Variants in LRMDA observed in about 807,000 individuals in gnomAD.
LRMDA encodes leucine-rich melanocyte differentiation-associated protein.
A neutral mutation model predicts 29.8 loss-of-function variants in LRMDA; 18 were observed. The observed-to-expected ratio is 0.60, with a 90% CI of 0.42 to 0.90. The LOEUF (loss-of-function observed/expected upper bound fraction) is 0.90. Among genes scored for constraint, LRMDA ranks in the 40% least tolerant of loss-of-function variants. The pLI is 0.00. For synonymous variants in LRMDA, 125 were observed against 109.4 expected (o/e 1.14, Z -0.89); for missense variants, 273 against 273.9 (o/e 1.00, Z 0.02).
At chr10:75,690,372 A>G (rs1167129151) in intron 2 of LRMDA, among the ~76,000 whole-genome samples, 1 of 152,154 alleles carries the variant, frequency 6.6e-6, no homozygotes, top group Non-Finnish European at 1.5e-5. Context: ...TGGCGTGATC[A>G]TGGCTTATTG....
chr10:75,999,611 C>T (rs964261435), intron 2 of LRMDA, among the ~76,000 whole-genome samples: 1 of 152,170 alleles, frequency 6.6e-6, no homozygotes, highest in Non-Finnish European at 1.5e-5. Context: ...TAGCTTGATT[C>T]CAGCAAGAAC....
intron 2 of LRMDA, among the ~76,000 whole-genome samples, chr10:75,666,565 G>A (rs886736617): frequency 6.6e-6 from 1 of 152,050 alleles, no homozygotes. Flanking sequence ...CACTAACTAT[G>A]AACTAAATAG....
intron 2 of LRMDA, among the ~76,000 whole-genome samples, chr10:75,914,356 A>T (rs1029780455): frequency 3.3e-5 from 5 of 152,144 alleles, no homozygotes; most frequent in Non-Finnish European, 7.3e-5. Context: ...TGAACCTGTG[A>T]CTTTATTTAT....
chr10:76,343,363 A>G (rs1308071199), intron 6 of LRMDA, among the ~76,000 whole-genome samples: 1 of 152,234 alleles, frequency 6.6e-6, no homozygotes, highest in African/African-American at 2.4e-5. Flanking sequence ...TATAGGTGCA[A>G]AAATGCTAAT....
intron 5 of LRMDA, among the ~76,000 whole-genome samples, chr10:76,086,101 T>A (rs192127866): frequency 6.6e-6 from 1 of 152,200 alleles, no homozygotes; most frequent in African/African-American, 2.4e-5. Flanking sequence ...TGAACACATA[T>A]TCTGATTTTT....
chr10:76,275,491 G>A (rs993238528), intron 5 of LRMDA, among the ~76,000 whole-genome samples: 1 of 151,832 alleles, frequency 6.6e-6, no homozygotes, highest in Admixed American at 6.6e-5. Context: ...TATTTCCTAT[G>A]AGTCTTAAAT....
At chr10:75,538,533 A>G (rs1564795516) in intron 2 of LRMDA, among the ~76,000 whole-genome samples, 1 of 152,164 alleles carries the variant, frequency 6.6e-6, no homozygotes, top group East Asian at 1.9e-4. Flanking sequence ...AAAGGGTGAA[A>G]AATGGCAAAA....
At chr10:76,216,820 C>T (rs58237837) in intron 5 of LRMDA, among the ~76,000 whole-genome samples, 5 of 152,186 alleles carry the variant, frequency 3.3e-5, no homozygotes, top group Middle Eastern at 3.4e-3. Flanking sequence ...TTCGATAGGA[C>T]GCATGTAAAG....
chr10:75,496,639 A>G (rs974544654), intron 2 of LRMDA, among the ~76,000 whole-genome samples: 1 of 152,138 alleles, frequency 6.6e-6, no homozygotes, highest in African/African-American at 2.4e-5. Context: ...AGATGGGTAT[A>G]CCATGAGAAG....
intron 2 of LRMDA, among the ~76,000 whole-genome samples, chr10:75,664,834 A>G (rs762566818): frequency 6.6e-6 from 1 of 152,246 alleles, no homozygotes; most frequent in Non-Finnish European, 1.5e-5. Flanking sequence ...TCAACCATAA[A>G]TGCTTAGAGT....
intron 2 of LRMDA, 149 bp from the exon 3 acceptor site, chr10:76,035,859 T>G: frequency 2.7e-6 from 1 of 377,104 alleles, no homozygotes; most frequent in Non-Finnish European, 4.7e-6. Flanking sequence ...CGACTCCTGC[T>G]ACTAATTCTT....
At chr10:75,711,330 A>C (rs1165934702) in intron 2 of LRMDA, among the ~76,000 whole-genome samples, 1 of 152,142 alleles carries the variant, frequency 6.6e-6, no homozygotes, top group East Asian at 1.9e-4. Context: ...CAGCTTTCTT[A>C]GTTGCAAAAA....
At chr10:75,743,701 T>G (rs986733038) in intron 2 of LRMDA, 2 of 152,184 alleles carry the variant, frequency 1.3e-5, no homozygotes, top group Non-Finnish European at 2.9e-5. Context: ...GGCAAACGTT[T>G]AGAGAAGGAA....
At chr10:76,145,998 G>A (rs1298855671) in intron 5 of LRMDA, among the ~76,000 whole-genome samples, 2 of 151,238 alleles carry the variant, frequency 1.3e-5, no homozygotes. Context: ...TAGTTGAGCG[G>A]TTTTGAGTGA....
chr10:76,129,471 T>C (rs1331972877), intron 5 of LRMDA, among the ~76,000 whole-genome samples: 1 of 152,192 alleles, frequency 6.6e-6, no homozygotes, highest in Admixed American at 6.5e-5. Context: ...AGACCTTTAG[T>C]GTGGACAGAG....
intron 2 of LRMDA, among the ~76,000 whole-genome samples, chr10:75,811,803 C>T (rs1843965953): frequency 6.6e-6 from 1 of 152,150 alleles, no homozygotes; most frequent in African/African-American, 2.4e-5. Context: ...GCTGTGTTGG[C>T]TCATTCAGCA....
At chr10:76,300,511 T>C (rs1589417839) in intron 5 of LRMDA, among the ~76,000 whole-genome samples, 4 of 152,308 alleles carry the variant, frequency 2.6e-5, no homozygotes, top group East Asian at 3.9e-4. Flanking sequence ...ATCTGTCTAA[T>C]AGAGAAGTTA....
intron 5 of LRMDA, among the ~76,000 whole-genome samples, chr10:76,090,940 C>A (rs4746357): frequency 0.41 from 62,922 of 151,988 alleles, 13,529 homozygotes; most frequent in Non-Finnish European, 0.44. Flanking sequence ...AATGTATTTA[C>A]CACTACTGAG....
intron 2 of LRMDA, among the ~76,000 whole-genome samples, chr10:75,727,069 T>C (rs531705464): frequency 6.6e-6 from 1 of 152,354 alleles, no homozygotes; most frequent in South Asian, 2.1e-4. Flanking sequence ...TTGCATTGTG[T>C]GTGGCCTGTT....
Sources: allele counts gnomAD v4.1 joint callset (sites outside exome capture counted in the v4.1 genomes callset), GRCh38; gene constraint gnomAD v4.1.1; transcripts MANE v1.5; gene names NCBI Gene and HGNC (gene_info 2026-07-23, HGNC 2026-07-21).